Variants in TRPM3 observed in about 807,000 individuals in gnomAD.
TRPM3 encodes the protein transient receptor potential cation channel subfamily M member 3, also known as long transient receptor potential channel 3.
A neutral mutation model predicts 181.2 loss-of-function variants in TRPM3; 77 were observed. That is an observed-to-expected ratio of 0.42 (90% CI 0.35 to 0.51). The LOEUF (loss-of-function observed/expected upper bound fraction) is 0.51. TRPM3 is among the 20% of genes least tolerant of loss of function. The pLI is 0.01. For missense variants in TRPM3, 1,759 were observed against 2,196.7 expected (o/e 0.80, Z 3.98); for synonymous variants, 745 against 796.4 (o/e 0.94, Z 1.09).
intron 1 of TRPM3, among the ~76,000 whole-genome samples, chr9:71,242,063 G>A (rs1440799869): frequency 1.1e-4 from 17 of 152,196 alleles, no homozygotes; most frequent in Non-Finnish European, 2.9e-5. Flanking sequence ...TGTTAACTTG[G>A]GAAATCACTG....
chr9:70,772,869 G>GA (rs2080607091), intron 7 of TRPM3, among the ~76,000 whole-genome samples: 1 of 152,188 alleles, frequency 6.6e-6, no homozygotes. Context: ...GCCAACATTG[G>GA]AAGGAAATCA....
chr9:70,668,672 GAAAAA>G (rs57929544), intron 9 of TRPM3, among the ~76,000 whole-genome samples: 4 of 86,512 alleles, frequency 4.6e-5, no homozygotes, highest in African/African-American at 8.7e-5. Context: ...CTCAAAAAAA[GAAAAA>G]AAAAAAAAAA....
intron 1 of TRPM3, among the ~76,000 whole-genome samples, chr9:70,943,503 G>C (rs12238860): frequency 7.9e-5 from 12 of 152,120 alleles, no homozygotes; most frequent in South Asian, 2.1e-4. Flanking sequence ...CAAAATACTA[G>C]GGAAATATTT....
chr9:71,268,043 C>A (rs986939364), intron 1 of TRPM3, among the ~76,000 whole-genome samples: 2 of 152,144 alleles, frequency 1.3e-5, no homozygotes, highest in African/African-American at 4.8e-5. Context: ...TGCTGGGAAA[C>A]CTTGAAATAT....
intron 1 of TRPM3, among the ~76,000 whole-genome samples, chr9:71,087,260 G>A (rs2065431977): frequency 6.6e-6 from 1 of 151,954 alleles, no homozygotes; most frequent in Non-Finnish European, 1.5e-5. Flanking sequence ...CTAGCCTTGT[G>A]TCCAAGTTGT....
intron 1 of TRPM3, among the ~76,000 whole-genome samples, chr9:71,057,069 T>C (rs2060754870): frequency 6.6e-6 from 1 of 151,926 alleles, no homozygotes; most frequent in African/African-American, 2.4e-5. Flanking sequence ...GTCTGTAGTG[T>C]TACTTTCATT....
chr9:70,976,678 C>T (rs1191165392), intron 1 of TRPM3, among the ~76,000 whole-genome samples: 1 of 152,218 alleles, frequency 6.6e-6, no homozygotes, highest in African/African-American at 2.4e-5. Context: ...CCTGGCTCCC[C>T]ATTTCAGTAG....
At chr9:70,549,510 A>T in intron 25 of TRPM3, 32 bp downstream of exon 25, 1 of 1,595,554 alleles carries the variant, frequency 6.3e-7, no homozygotes, top group Non-Finnish European at 8.5e-7. Context: ...GGCACAACAC[A>T]TCTGCAGGAG....
chr9:71,174,177 T>C (rs1587782983), intron 1 of TRPM3, among the ~76,000 whole-genome samples: 1 of 152,196 alleles, frequency 6.6e-6, no homozygotes, highest in South Asian at 2.1e-4. Flanking sequence ...CAGACAAAGA[T>C]AACTCATTAG....
chr9:71,339,843 AAATTCAG>A (rs1394837953), intron 1 of TRPM3, among the ~76,000 whole-genome samples: 1 of 152,080 alleles, frequency 6.6e-6, no homozygotes, highest in Non-Finnish European at 1.5e-5. Context: ...GCATTTGATA[AAATTCAG>A]AACTAGACAC....
At chr9:70,654,002 G>A (rs1019258101) in intron 9 of TRPM3, among the ~76,000 whole-genome samples, 8 of 152,004 alleles carry the variant, frequency 5.3e-5, no homozygotes, top group Admixed American at 5.2e-4. Context: ...TGACCTTGGT[G>A]TGTGTAATGG....
intron 1 of TRPM3, among the ~76,000 whole-genome samples, chr9:71,042,696 T>C (rs1013366643): frequency 1.3e-5 from 2 of 152,224 alleles, no homozygotes; most frequent in African/African-American, 4.8e-5. Flanking sequence ...GTTTCTGCCC[T>C]CTGACAGCAT....
chr9:70,634,291 G>A (rs1464334067), intron 12 of TRPM3, among the ~76,000 whole-genome samples: 1 of 152,076 alleles, frequency 6.6e-6, no homozygotes, highest in African/African-American at 2.4e-5. Flanking sequence ...TGTATTTTTA[G>A]TAGAGACAGG....
At chr9:70,786,625 G>T (rs967318744) in intron 6 of TRPM3, among the ~76,000 whole-genome samples, 1 of 152,188 alleles carries the variant, frequency 6.6e-6, no homozygotes, top group Non-Finnish European at 1.5e-5. Flanking sequence ...CTTCAAAAAG[G>T]TAGCCTATTT....
intron 9 of TRPM3, among the ~76,000 whole-genome samples, chr9:70,662,649 A>G (rs1263167565): frequency 6.6e-6 from 1 of 152,228 alleles, no homozygotes; most frequent in Non-Finnish European, 1.5e-5. Flanking sequence ...ACTGTTCAAC[A>G]TCACTAATTC....
intron 1 of TRPM3, among the ~76,000 whole-genome samples, chr9:71,362,122 G>C (rs2092171783): frequency 6.6e-6 from 1 of 152,168 alleles, no homozygotes; most frequent in Non-Finnish European, 1.5e-5. Flanking sequence ...CATGCCCACA[G>C]ATAAGGCCCC....
intron 1 of TRPM3, among the ~76,000 whole-genome samples, chr9:70,992,622 A>T (rs957075215): frequency 6.6e-6 from 1 of 152,208 alleles, no homozygotes; most frequent in East Asian, 1.9e-4. Context: ...GTGTGTACTG[A>T]GCACATGAAA....
intron 1 of TRPM3, among the ~76,000 whole-genome samples, chr9:71,353,592 G>C (rs1310783139): frequency 2.6e-5 from 4 of 152,158 alleles, no homozygotes; most frequent in African/African-American, 9.7e-5. Flanking sequence ...TGCCAAAATT[G>C]TATAAAGATT....
intron 1 of TRPM3, among the ~76,000 whole-genome samples, chr9:71,333,459 C>T (rs1404509331): frequency 6.6e-6 from 1 of 151,922 alleles, no homozygotes. Flanking sequence ...AAAAGACGGC[C>T]ATTTCTATGC....
Sources: allele counts gnomAD v4.1 joint callset (sites outside exome capture counted in the v4.1 genomes callset), GRCh38; gene constraint gnomAD v4.1.1; transcripts MANE v1.5; gene names NCBI Gene and HGNC (gene_info 2026-07-23, HGNC 2026-07-21).